GOT1: variants seen among roughly 807,000 people sequenced by gnomAD.
GOT1 encodes the protein glutamic-oxaloacetic transaminase 1, also known as aspartate aminotransferase, cytoplasmic.
GOT1 carries 25 observed loss-of-function variants against 48.2 expected under a neutral mutation model. That is an observed-to-expected ratio of 0.52 (90% confidence interval 0.38 to 0.72). GOT1 has a LOEUF of 0.72. GOT1 is among the 30% of genes least tolerant of loss of function. The pLI is 0.00. For synonymous variants in GOT1, 188 were observed against 193.8 expected, an observed-to-expected ratio of 0.97 and a Z score of 0.25; for missense variants, 380 against 520.1, an observed-to-expected ratio of 0.73 and a Z score of 2.62.
In GOT1 at chr10:99,400,530, T is replaced by TG. The variant is rs1487125856; in HGVS notation, c.1102+2049dup. 3.3e-5 allele frequency among the ~76,000 whole-genome samples: 5 copies of TG among 152,212 alleles called. No homozygotes were observed. The East Asian group carries it at 9.6e-4, about 29-fold the overall frequency. Reference sequence around the variant, plus strand: ...GTTCACGCCTGTGGTCCCAGCCACTTGGACACTGAGGTGGAATGATCACCT... The same window carrying TG: ...GTTCACGCCTGTGGTCCCAGCCACTTGGGACACTGAGGTGGAATGATCACCT... On this transcript the variant is annotated intron_variant, in intron 8 of 8. Coordinates refer to ENST00000370508, the MANE Select transcript of GOT1 (RefSeq NM_002079.3).
intron 2 of GOT1, among the ~76,000 whole-genome samples, chr10:99,417,521 G>A (rs1472102897): frequency 1.3e-5 from 2 of 152,248 alleles, no homozygotes; most frequent in Non-Finnish European, 2.9e-5. Flanking sequence ...AGATAGTGTG[G>A]TGATTCCTCA....
chr10:99,422,746 G>T (rs895462211), intron 1 of GOT1, among the ~76,000 whole-genome samples: 19 of 152,220 alleles, frequency 1.2e-4, no homozygotes, highest in African/African-American at 3.9e-4. Context: ...TTAAACAAAA[G>T]GTAGCATACG....
intron 2 of GOT1, among the ~76,000 whole-genome samples, chr10:99,408,625 G>A (rs565115553): frequency 2.1e-4 from 32 of 152,244 alleles, no homozygotes; most frequent in Middle Eastern, 3.4e-3. Context: ...AGGCTGAGAC[G>A]TGAGAATCAT....
intron 1 of GOT1, among the ~76,000 whole-genome samples, chr10:99,426,960 G>T (rs1193833916): frequency 6.6e-6 from 1 of 152,146 alleles, no homozygotes; most frequent in Non-Finnish European, 1.5e-5. Flanking sequence ...TTCACAAGGG[G>T]TATACTTGGG....
chr10:99,408,932 A>G (rs903147163), intron 2 of GOT1, among the ~76,000 whole-genome samples: 2 of 152,146 alleles, frequency 1.3e-5, no homozygotes, highest in Non-Finnish European at 2.9e-5. Context: ...GGGATTTACT[A>G]TTAAATAATA....
chr10:99,405,975 T>G, intron 4 of GOT1, 115 bp from the exon 5 acceptor site: 1 of 799,014 alleles, frequency 1.3e-6, no homozygotes, highest in South Asian at 1.4e-5. Flanking sequence ...TTGTCACTCT[T>G]TCATGTCTCT....
At chr10:99,422,144 CAGTG>C (rs751611322) in intron 1 of GOT1, among the ~76,000 whole-genome samples, 64 of 152,300 alleles carry the variant, frequency 4.2e-4, no homozygotes, top group Admixed American at 9.8e-4. Context: ...GTTCTTGTGA[CAGTG>C]AGTGAGTTCT....
chr10:99,401,426 C>T (rs1452229779), intron 8 of GOT1, among the ~76,000 whole-genome samples: 1 of 152,200 alleles, frequency 6.6e-6, no homozygotes, highest in Non-Finnish European at 1.5e-5. Context: ...TACCTCCCCA[C>T]GGCCTCTGCC....
At position 99,406,820 on chromosome 10, in the gene GOT1, T is replaced by C. The variant is rs2032764480; in HGVS notation, c.330A>G (p.Thr110=). 1 of 1,613,858 alleles carries C rather than the reference T, an allele frequency of 6.2e-7. No homozygotes were observed. Among genetic ancestry groups the C allele is most frequent in the East Asian group, 2.2e-5 (1 of 44,888 alleles). ...AATCAGCTCCAATTCGAAGTGCACC[T>C]GTTCCCCCCAAAGATTGCACACCTC... is the stretch of plus-strand genomic sequence containing the variant. ...RVGGVQSLGG[T]GALRIGADFL... Residue 110 remains threonine (T), a synonymous_variant, in exon 3 of 9, where the codon ACA becomes ACG. Coordinates refer to ENST00000370508, the MANE Select transcript of GOT1 (RefSeq NM_002079.3).
At chr10:99,421,784 C>T (rs748653120) in intron 1 of GOT1, among the ~76,000 whole-genome samples, 5 of 151,902 alleles carry the variant, frequency 3.3e-5, no homozygotes, top group Admixed American at 2.0e-4. Flanking sequence ...CCTACACTTA[C>T]GCAAGTGATT....
intron 1 of GOT1, among the ~76,000 whole-genome samples, chr10:99,427,969 T>A (rs1037157427): frequency 6.6e-6 from 1 of 152,056 alleles, no homozygotes; most frequent in African/African-American, 2.4e-5. Flanking sequence ...TGGTAAGGAG[T>A]TGGAGTTCCT....
chr10:99,421,711 C>T (rs991933906), intron 1 of GOT1, among the ~76,000 whole-genome samples: 1 of 152,136 alleles, frequency 6.6e-6, no homozygotes, highest in African/African-American at 2.4e-5. Context: ...AATAATCTGT[C>T]CAAGTAGGAT....
intron 2 of GOT1, among the ~76,000 whole-genome samples, chr10:99,418,135 C>T (rs1054352374): frequency 2.0e-5 from 3 of 151,616 alleles, no homozygotes; most frequent in Non-Finnish European, 2.9e-5. Flanking sequence ...TTAATAGATG[C>T]CAAGAGAGTA....
At chr10:99,409,825 A>C (rs2032808385) in intron 2 of GOT1, among the ~76,000 whole-genome samples, 1 of 152,244 alleles carries the variant, frequency 6.6e-6, no homozygotes, top group African/African-American at 2.4e-5. Flanking sequence ...AAGTCAGCTT[A>C]AAAACAGTGA....
intron 8 of GOT1, among the ~76,000 whole-genome samples, chr10:99,400,067 G>A (rs930484574): frequency 6.6e-6 from 1 of 152,166 alleles, no homozygotes; most frequent in Admixed American, 6.5e-5. Flanking sequence ...TAAAAATGAG[G>A]CCTTTCTACT....
rs753151095 is a variant in GOT1 at position 99,430,570 on chromosome 10, A to T, written c.-5T>A. 6.3e-7 allele frequency: 1 copy of T among 1,590,838 alleles called. No homozygotes were observed. Among genetic ancestry groups the T allele is most frequent in the South Asian group, 1.1e-5 (1 of 88,094 alleles). ...AAAGACTGACGGAGGTGCCATATCG[A>T]GAGACTAGGAATCAAGAGATTTCAC... On this transcript the variant is annotated 5_prime_UTR_variant, in exon 1 of 9. Transcript: ENST00000370508.
At chr10:99,400,978 T>C (rs1297963071) in intron 8 of GOT1, among the ~76,000 whole-genome samples, 1 of 152,158 alleles carries the variant, frequency 6.6e-6, no homozygotes, top group Non-Finnish European at 1.5e-5. Context: ...ACAAAACCCC[T>C]GTTTTTAATA....
intron 8 of GOT1, among the ~76,000 whole-genome samples, chr10:99,398,600 G>A (rs942148885): frequency 7.9e-5 from 12 of 151,404 alleles, no homozygotes; most frequent in South Asian, 4.2e-4. Flanking sequence ...AAACCCAAGA[G>A]GAGGAAGTTG....
chr10:99,405,310 A>AT (rs2032740262), intron 5 of GOT1, among the ~76,000 whole-genome samples: 1 of 152,202 alleles, frequency 6.6e-6, no homozygotes, highest in South Asian at 2.1e-4. Context: ...AGATCAAGCA[A>AT]TCTGAAGTAA....
Sources: allele counts gnomAD v4.1 joint callset (sites outside exome capture counted in the v4.1 genomes callset), GRCh38; gene constraint gnomAD v4.1.1; transcripts MANE v1.5; gene names NCBI Gene and HGNC (gene_info 2026-07-23, HGNC 2026-07-21).